Variants in ATAD2 observed in about 807,000 individuals in gnomAD.
The protein encoded by ATAD2 is ATPase family AAA domain-containing protein 2.
A neutral mutation model predicts 168.9 loss-of-function variants in ATAD2; 62 were observed. The ratio of observed to expected loss-of-function variants is 0.37; its 90% CI spans 0.30 to 0.45. The LOEUF (loss-of-function observed/expected upper bound fraction) is 0.45, where lower values mean the gene tolerates loss of function less well. Ranked by LOEUF, ATAD2 falls within the 20% of genes least tolerant of loss-of-function variation. The probability of loss-of-function intolerance (pLI) is 1.00; values close to 1 mark genes in which losing one functional copy is unlikely to be tolerated. For missense variants in ATAD2, 1,419 were observed against 1,667.8 expected, an observed-to-expected ratio of 0.85 and a Z score of 2.60; for synonymous variants, 613 against 571.6, an observed-to-expected ratio of 1.07 and a Z score of -1.03.
intron 25 of ATAD2, 79 bp from the exon 26 acceptor site, chr8:123,326,105 T>A (rs1360559607): frequency 3.4e-6 from 5 of 1,451,680 alleles, no homozygotes; most frequent in South Asian, 1.3e-5. Context: ...ATTAGGCAGA[T>A]TAAACAGGGC....
upstream of ATAD2, among the ~76,000 whole-genome samples, chr8:123,398,260 T>C (rs1207852116): frequency 2.7e-5 from 4 of 146,512 alleles, no homozygotes; most frequent in African/African-American, 1.0e-4. Flanking sequence ...AGACAGAATC[T>C]TGCTCTGTTG....
At chr8:123,415,418 G>C (rs1204524327) in intron 1 of ATAD2, among the ~76,000 whole-genome samples, 1 of 152,204 alleles carries the variant, frequency 6.6e-6, no homozygotes, top group Non-Finnish European at 1.5e-5. Flanking sequence ...GAAGAGATTG[G>C]AGAATCCAAC....
Position 123,339,386 on chromosome 8 carries a change from C to G in ATAD2, c.2779G>C (p.Glu927Gln). The change falls in exon 20 of 28, where the codon GAA becomes CAA. Residue 927 changes from glutamate (E) to glutamine (Q), a missense_variant. Around this residue, in one of 5 missense-constraint regions of ATAD2, gnomAD observed 545 missense variants for 724.9 expected, o/e 0.75. Coordinates refer to ENST00000287394, the MANE Select transcript of ATAD2 (RefSeq NM_014109.4). Reference sequence around the variant, plus strand: ...TCTTCAAAAAATTTTGTCCGTTCTTCTTTATCCGGTAACTGGACATTAAAA... The same window carrying G: ...TCTTCAAAAAATTTTGTCCGTTCTTGTTTATCCGGTAACTGGACATTAAAA... The part of the protein sequence containing the change: ...EIFNVQLPDK[E>Q]ERTKFFEDLI... The G allele has an allele frequency of 1.2e-6, 2 of 1,602,880 alleles. No homozygotes were observed. Among genetic ancestry groups the G allele is most frequent in the Non-Finnish European group, 1.7e-6 (2 of 1,173,956 alleles).
upstream of ATAD2, among the ~76,000 whole-genome samples, chr8:123,399,955 G>A (rs910072190): frequency 2.0e-5 from 3 of 152,086 alleles, no homozygotes; most frequent in Admixed American, 6.5e-5. Context: ...CTTGAGGTCA[G>A]GAGTTCGAGA....
At chr8:123,371,427 G>C in intron 4 of ATAD2, 89 bp from the exon 5 acceptor site, 1 of 1,046,310 alleles carries the variant, frequency 9.6e-7, no homozygotes, top group Non-Finnish European at 1.4e-6. Flanking sequence ...GCAAACTTTT[G>C]GCACTAAGGT....
intron 1 of ATAD2, among the ~76,000 whole-genome samples, chr8:123,384,089 A>AG (rs1829576375): frequency 6.6e-6 from 1 of 152,002 alleles, no homozygotes; most frequent in Non-Finnish European, 1.5e-5. Flanking sequence ...CAAAAAAAAA[A>AG]AAAAAGAAAG....
At chr8:123,346,369 T>G in intron 17 of ATAD2, 97 bp from the exon 18 acceptor site, 1 of 1,222,320 alleles carries the variant, frequency 8.2e-7, no homozygotes, top group Non-Finnish European at 1.1e-6. Context: ...TAAAAAGTCT[T>G]GCCAATAAGG....
intron 1 of ATAD2, among the ~76,000 whole-genome samples, chr8:123,415,331 G>A (rs1813240340): frequency 6.6e-6 from 1 of 152,180 alleles, no homozygotes; most frequent in African/African-American, 2.4e-5. Flanking sequence ...TTTGTATTAG[G>A]AGCTGAGAGG....
intron 19 of ATAD2, among the ~76,000 whole-genome samples, chr8:123,339,957 A>G (rs1227795103): frequency 1.2e-4 from 18 of 152,000 alleles, no homozygotes; most frequent in Admixed American, 8.5e-4. Flanking sequence ...CAGTGGCACA[A>G]TCATAGCTCA....
chr8:123,385,805 G>A (rs551472641), intron 1 of ATAD2, among the ~76,000 whole-genome samples: 42 of 151,294 alleles, frequency 2.8e-4, no homozygotes, highest in African/African-American at 9.2e-4. Context: ...ATATATACAC[G>A]CATACATATA....
In ATAD2 at chr8:123,346,734, C is replaced by A; in HGVS notation, c.2229G>T (p.Leu743=). ...KTLDSDISCP[L]LESDLAYSDD... is the part of the protein sequence containing the mutation. ...CACTGTAAGCCAAGTCACTTTCTAG[C>A]AGAGGACAAGAAATATCTATAAAAC... The change falls in exon 17 of 28, where the codon CTG becomes CTT. Residue 743 remains leucine, a synonymous_variant. Coordinates refer to ENST00000287394, the MANE Select transcript of ATAD2 (RefSeq NM_014109.4). 6.3e-7 allele frequency: 1 copy of A among 1,588,600 alleles called. No individual in the cohort carries two copies. Among genetic ancestry groups the A allele is most frequent in the Non-Finnish European group, 8.5e-7 (1 of 1,172,884 alleles).
chr8:123,339,209 T>C, intron 20 of ATAD2, 102 bp downstream of exon 20: 1 of 1,057,454 alleles, frequency 9.5e-7, no homozygotes, highest in Non-Finnish European at 1.3e-6. Flanking sequence ...CCTCATGACT[T>C]AGGTTTTGAG....
chr8:123,380,658 T>C lies in ATAD2; in HGVS notation c.191A>G (p.Glu64Gly). 1 of 1,613,490 alleles carries C rather than the reference T, an allele frequency of 6.2e-7. No individual in the cohort carries two copies. Among genetic ancestry groups the C allele is most frequent in the Middle Eastern group, 1.6e-4 (1 of 6,062 alleles). Residue 64 changes from glutamate to glycine, a missense_variant, in exon 2 of 28, where the codon GAA (glutamate) becomes GGA (glycine). Glu to Gly is a moderately conservative substitution (Grantham distance 98, BLOSUM62 -2). Around this residue, in one of 5 missense-constraint regions of ATAD2, gnomAD observed 419 missense variants for 423.5 expected, o/e 0.99. Transcript: ENST00000287394. ...AKAGDGSSVK[E>G]VETYHRTRAL... ...ACGTGTCCGGTGGTAGGTTTCAACT[T>C]CCTTAACTGATGACCCATCCTTTAA...
At chr8:123,344,706 A>G (rs1828179398) in intron 19 of ATAD2, 178 bp downstream of exon 19, 3 of 664,510 alleles carry the variant, frequency 4.5e-6, no homozygotes, top group Non-Finnish European at 7.7e-6. Context: ...ATACACATAT[A>G]CATATACCAT....
intron 11 of ATAD2, among the ~76,000 whole-genome samples, chr8:123,358,863 C>G (rs1241526396): frequency 6.6e-6 from 1 of 151,218 alleles, no homozygotes; most frequent in African/African-American, 2.4e-5. Flanking sequence ...GCCGCCAGGC[C>G]TGGCTAATTT....
rs369707310 is a variant in ATAD2, at chr8:123,380,539, G to A, written c.310C>T (p.His104Tyr). The A allele has an allele frequency of 2.5e-6, 4 of 1,613,720 alleles. No individual in the cohort carries two copies. In the African/African-American group the frequency reaches 5.3e-5, roughly 22 times the overall value. Residue 104 changes from histidine (H) to tyrosine (Y), a missense_variant, in exon 2 of 28, where the codon CAT becomes TAT. Physicochemically the swap from His to Tyr is moderately conservative, Grantham distance 83 (BLOSUM62 2). Around this residue, in one of 5 missense-constraint regions of ATAD2, gnomAD observed 419 missense variants for 423.5 expected, o/e 0.99. Transcript: ENST00000287394. ...EITEQLANGR[H>Y]FTRQLARQQA... ...ACCACCTTGTATTACCTTGTAAAAT[G>A]CCTGCCATTAGCAAGTTGCTCCGTT... is the stretch of plus-strand genomic sequence containing the variant.
intron 25 of ATAD2, among the ~76,000 whole-genome samples, chr8:123,327,697 G>A (rs1198085605): frequency 1.3e-5 from 2 of 152,156 alleles, no homozygotes; most frequent in East Asian, 1.9e-4. Context: ...AAAATTTGGG[G>A]AGCAGATCAG....
At chr8:123,375,917 C>T (rs1829293850) in intron 2 of ATAD2, among the ~76,000 whole-genome samples, 1 of 151,766 alleles carries the variant, frequency 6.6e-6, no homozygotes, top group Non-Finnish European at 1.5e-5. Flanking sequence ...ACCAGCCTGG[C>T]CAAGATGGTG....
chr8:123,411,325 C>T (rs529451412), intron 1 of ATAD2, among the ~76,000 whole-genome samples: 1 of 152,216 alleles, frequency 6.6e-6, no homozygotes, highest in South Asian at 2.1e-4. Context: ...GGCACCCCTC[C>T]CCAGGAAATT....
Sources: allele counts gnomAD v4.1 joint callset (sites outside exome capture counted in the v4.1 genomes callset), GRCh38; gene constraint gnomAD v4.1.1; regional missense constraint gnomAD v4.1.1; transcripts MANE v1.5; gene names NCBI Gene and HGNC (gene_info 2026-07-23, HGNC 2026-07-21).